EML6: variants seen among roughly 807,000 people sequenced by gnomAD.
The protein encoded by EML6 is echinoderm microtubule-associated protein-like 6.
In EML6, 154 loss-of-function variants were observed where a neutral mutation model predicts 240.1. The ratio of observed to expected loss-of-function variants is 0.64; its 90% CI spans 0.56 to 0.73. EML6 has a LOEUF of 0.73. Ranked by LOEUF, EML6 falls within the 30% of genes least tolerant of loss-of-function variation. EML6 has a pLI of 0.00. For synonymous variants in EML6, 1,148 were observed against 899.0 expected (o/e 1.28, Z -4.95); for missense variants, 2,964 against 2,474.6 (o/e 1.20, Z -4.20).
intron 19 of EML6, among the ~76,000 whole-genome samples, 187 bp downstream of exon 19, chr2:54,892,843 G>A (rs1479272648): frequency 1.3e-5 from 2 of 152,176 alleles, no homozygotes; most frequent in East Asian, 1.9e-4. Flanking sequence ...TTCGTTTACA[G>A]TTGTTTCTTT....
intron 29 of EML6, among the ~76,000 whole-genome samples, chr2:54,949,474 T>C (rs899468696): frequency 1.3e-5 from 2 of 152,254 alleles, no homozygotes; most frequent in East Asian, 1.9e-4. Flanking sequence ...GAGGGAGTTA[T>C]CAGGTCCCAA....
At chr2:54,952,780 G>C in intron 31 of EML6, 88 bp downstream of exon 31, 1 of 841,410 alleles carries the variant, frequency 1.2e-6, no homozygotes, top group Non-Finnish European at 1.9e-6. Context: ...TGGGTGGGTT[G>C]CTTACATCCA....
chr2:54,892,379 T>C, intron 18 of EML6, 75 bp from the exon 19 acceptor site: 1 of 939,538 alleles, frequency 1.1e-6, no homozygotes, highest in Non-Finnish European at 1.6e-6. Flanking sequence ...AGGTTTCTCA[T>C]GGAAGTAGTC....
intron 40 of EML6, 115 bp from the exon 41 acceptor site, chr2:54,968,553 G>T (rs1163674350): frequency 2.8e-6 from 2 of 725,432 alleles, no homozygotes; most frequent in African/African-American, 3.5e-5. Context: ...AGACCAAATG[G>T]AAGTCCCCAG....
intron 5 of EML6, among the ~76,000 whole-genome samples, chr2:54,821,920 A>G (rs896999785): frequency 6.6e-6 from 1 of 152,114 alleles, no homozygotes; most frequent in South Asian, 2.1e-4. Context: ...TTTAAAATGT[A>G]AAAGCAAAGA....
At chr2:54,820,559 A>ATT in intron 5 of EML6, 97 bp downstream of exon 5, 1 of 730,132 alleles carries the variant, frequency 1.4e-6, no homozygotes, top group South Asian at 1.9e-5. Flanking sequence ...TAGACTTTAC[A>ATT]TTTTTTTTCT....
chr2:54,847,433 G>T, intron 8 of EML6, 53 bp from the exon 9 acceptor site: 1 of 1,533,756 alleles, frequency 6.5e-7, no homozygotes, highest in Admixed American at 2.0e-5. Context: ...TGGGCTGGCC[G>T]ATGACCATGG....
intron 14 of EML6, 87 bp from the exon 15 acceptor site, chr2:54,869,094 A>G (rs761113846): frequency 1.1e-5 from 9 of 827,072 alleles, no homozygotes; most frequent in Non-Finnish European, 9.4e-6. Context: ...TGTTCACGTC[A>G]ATATGTTAGC....
At chr2:54,904,873 C>T (rs1165260639) in intron 24 of EML6, among the ~76,000 whole-genome samples, 6 of 152,146 alleles carry the variant, frequency 3.9e-5, no homozygotes, top group Admixed American at 2.0e-4. Flanking sequence ...GAGTAGTGGC[C>T]ATAGACCAGG....
chr2:54,898,349 A>C (rs1047751058), intron 21 of EML6, among the ~76,000 whole-genome samples: 1 of 152,118 alleles, frequency 6.6e-6, no homozygotes, highest in African/African-American at 2.4e-5. Flanking sequence ...CTTGTTCTTA[A>C]CTAAAATACA....
In EML6 at chr2:54,968,774, A is replaced by G. The variant is rs1187961447; in HGVS notation, c.5852+6A>G. ...ACTGGAGGAGACGACTGCAGGTACT[A>G]ACGTAGCTGACCCAGTTCTTACTCC... On this transcript the variant is annotated splice_donor_region_variant and intron_variant, in intron 41 of 41. Transcript: ENST00000356458. 4.8e-6 allele frequency: 7 copies of G among 1,469,154 alleles called. No individual in the cohort carries two copies. The highest frequency in any genetic ancestry group is 6.5e-6 in the Non-Finnish European group (7 of 1,071,782). The allele number at this position is 1,469,154 out of a possible 1,614,324, so 91.0% of individuals were successfully genotyped here. A position where few individuals can be genotyped will look rare whatever the true frequency, so the allele number is the denominator to read the frequency against.
chr2:54,802,665 ACTG>A (rs931672254), intron 2 of EML6, among the ~76,000 whole-genome samples: 11 of 147,762 alleles, frequency 7.4e-5, no homozygotes, highest in South Asian at 2.1e-4. Flanking sequence ...TACTACTACT[ACTG>A]CTACTACTAC....
intron 7 of EML6, among the ~76,000 whole-genome samples, chr2:54,840,085 A>G (rs1158764944): frequency 6.6e-6 from 1 of 152,234 alleles, no homozygotes; most frequent in African/African-American, 2.4e-5. Flanking sequence ...GCTTCCTGAT[A>G]ATGCTGAAGA....
At position 54,892,517 on chromosome 2, in the gene EML6, G is replaced by T. The variant is rs1476727381; in HGVS notation, c.2603G>T (p.Cys868Phe). 2 of 1,551,404 alleles carry T rather than the reference G, an allele frequency of 1.3e-6. No individual in the cohort carries two copies. The highest frequency in any genetic ancestry group is 8.7e-7 in the Non-Finnish European group (1 of 1,146,758). Residue 868 changes from cysteine (C) to phenylalanine (F), a missense_variant, in exon 19 of 42, where the codon TGT (cysteine) becomes TTT (phenylalanine). By Grantham distance (205) the Cys-to-Phe change is radical. Transcript: ENST00000356458. Reference sequence around the variant, plus strand: ...GTTGGAAAATTGGAAACAATGATGTGTGTTTCTTACGGACGAATGGAAGAT... The same window carrying T: ...GTTGGAAAATTGGAAACAATGATGTTTGTTTCTTACGGACGAATGGAAGAT... ...GSVGKLETMM[C>F]VSYGRMEDLV... is the part of the protein sequence containing the mutation.
intron 8 of EML6, 69 bp downstream of exon 8, chr2:54,844,317 A>C: frequency 8.1e-7 from 1 of 1,229,620 alleles, no homozygotes; most frequent in African/African-American, 1.5e-5. Flanking sequence ...TTTGCTTATT[A>C]ATAGAAGGAT....
chr2:54,743,909 G>C (rs1683778539), intron 2 of EML6, among the ~76,000 whole-genome samples: 1 of 152,082 alleles, frequency 6.6e-6, no homozygotes, highest in Non-Finnish European at 1.5e-5. Flanking sequence ...CTGAACTAGA[G>C]AATAGAGGAA....
At chr2:54,860,653 A>G (rs539941965) in intron 12 of EML6, among the ~76,000 whole-genome samples, 1 of 152,326 alleles carries the variant, frequency 6.6e-6, no homozygotes, top group East Asian at 1.9e-4. Context: ...AAGGAAATGC[A>G]TCCTAAACCT....
At chr2:54,850,429 T>C (rs1335469015) in intron 10 of EML6, 3 of 538,528 alleles carry the variant, frequency 5.6e-6, no homozygotes, top group South Asian at 2.6e-5. Flanking sequence ...AGTTGGAACA[T>C]GTTAAACTAA....
intron 3 of EML6, among the ~76,000 whole-genome samples, chr2:54,814,550 C>A (rs1667999400): frequency 6.6e-6 from 1 of 152,210 alleles, no homozygotes; most frequent in Non-Finnish European, 1.5e-5. Flanking sequence ...GTCTCTCTCA[C>A]CCTGCGTGTT....
Sources: allele counts gnomAD v4.1 joint callset (sites outside exome capture counted in the v4.1 genomes callset), GRCh38; gene constraint gnomAD v4.1.1; transcripts MANE v1.5; gene names NCBI Gene and HGNC (gene_info 2026-07-23, HGNC 2026-07-21).